Variants in TRA2B observed in about 807,000 individuals in gnomAD.
The protein encoded by TRA2B is transformer 2 beta homolog.
A neutral mutation model predicts 41.7 loss-of-function variants in TRA2B; 14 were observed. The observed-to-expected ratio is 0.34, with a 90% CI of 0.22 to 0.53. The LOEUF is 0.53. TRA2B is among the 20% of genes least tolerant of loss of function. TRA2B has a pLI of 0.95. For synonymous variants in TRA2B, 130 were observed against 128.8 expected (o/e 1.01, Z -0.06); for missense variants, 167 against 396.8 (o/e 0.42, Z 4.92).
intron 7 of TRA2B, among the ~76,000 whole-genome samples, chr3:185,918,705 G>A (rs1317758906): frequency 6.6e-6 from 1 of 152,120 alleles, no homozygotes; most frequent in East Asian, 1.9e-4. Context: ...TGTTAAGAGA[G>A]TTTTGTAAAA....
At chr3:185,926,575 G>C in intron 2 of TRA2B, 26 bp downstream of exon 2, 1 of 1,612,800 alleles carries the variant, frequency 6.2e-7, no homozygotes, top group Non-Finnish European at 8.5e-7. Context: ...AGAGTAACGA[G>C]GAAATCTCAA....
chr3:185,931,745 T>A, intron 1 of TRA2B: 1 of 1,470,798 alleles, frequency 6.8e-7, no homozygotes, highest in Non-Finnish European at 8.9e-7. Context: ...GCATGCATTC[T>A]TTCTTTTATT....
chr3:185,924,108 C>T, intron 3 of TRA2B, 124 bp from the exon 4 acceptor site: 2 of 757,088 alleles, frequency 2.6e-6, no homozygotes, highest in Non-Finnish European at 3.9e-6. Context: ...TTAGACCAAA[C>T]ACTGCTTAGA....
intron 1 of TRA2B, chr3:185,934,611 CCTT>C (rs1378207402): frequency 2.3e-5 from 23 of 985,238 alleles, no homozygotes; most frequent in Non-Finnish European, 2.8e-5. Context: ...ACAATTCAAT[CCTT>C]TTTTAAAGGA....
chr3:185,929,058 A>G (rs887696375), intron 1 of TRA2B: 3 of 152,228 alleles, frequency 2.0e-5, no homozygotes, highest in Non-Finnish European at 4.4e-5. Flanking sequence ...CTATGCAGAT[A>G]TATTTTGTAA....
chr3:185,919,576 A>G (rs921532318), intron 6 of TRA2B, 80 bp from the exon 7 acceptor site: 12 of 1,217,638 alleles, frequency 9.9e-6, no homozygotes, highest in Non-Finnish European at 1.4e-5. Flanking sequence ...AGTAAAATAA[A>G]AACTTTCATA....
rs1037296116 is a variant in TRA2B, at chr3:185,937,765, C to G, written c.36+60G>C. The G allele has an allele frequency of 3.7e-6, 6 of 1,612,028 alleles. No homozygotes were observed. In the African/African-American group the frequency reaches 8.0e-5, roughly 22 times the overall value. On this transcript the variant is annotated intron_variant, in intron 1 of 8. Transcript: ENST00000453386. ...GCCTCCTGGCCCGAGGCCGACGGGCCTAGAAAAAGATGCAAGGAGCTAGGA... is the reference window on the plus strand; with the variant it reads ...GCCTCCTGGCCCGAGGCCGACGGGCGTAGAAAAAGATGCAAGGAGCTAGGA...
Position 185,917,053 on chromosome 3 carries a change from CTG to C in TRA2B, c.*660_*661del, listed in dbSNP as rs1249186711. 2 of 152,494 alleles carry C rather than the reference CTG, an allele frequency of 1.3e-5. No homozygotes were observed. Among genetic ancestry groups the C allele is most frequent in the African/African-American group, 2.4e-5 (1 of 41,572 alleles). 9.4% of individuals were successfully genotyped at this position (152,494 alleles called of 1,614,324 possible). On this transcript the variant is annotated 3_prime_UTR_variant, in exon 9 of 9. Transcript: ENST00000453386. ...AAGAAACAGCCTTTTAAGGCATACACTGTGTAACTCTTCGTATTTCCTGCTAT... is the reference window on the plus strand; with the variant it reads ...AAGAAACAGCCTTTTAAGGCATACACTGTAACTCTTCGTATTTCCTGCTAT...
chr3:185,925,355 A>G (rs1743906634), intron 3 of TRA2B, 109 bp downstream of exon 3: 6 of 1,299,084 alleles, frequency 4.6e-6, no homozygotes, highest in South Asian at 3.1e-5. Flanking sequence ...GCCTCTGAAG[A>G]TTTCACTCAC....
Position 185,921,278 on chromosome 3 carries a change from T to G in TRA2B, c.639-91A>C, listed in dbSNP as rs1743724967. 6 of 1,083,154 alleles carry G rather than the reference T, an allele frequency of 5.5e-6. No homozygotes were observed. The Admixed American group carries it at 1.1e-4, about 19-fold the overall frequency. 67.1% of individuals were successfully genotyped at this position (1,083,154 alleles called of 1,614,324 possible). On this transcript the variant is annotated intron_variant, in intron 5 of 8. Transcript: ENST00000453386. ...AGTAGGCCTTTTCTGACACATTAAC[T>G]GGAAAATGAAAATTATTCCTGTTAA...
chr3:185,934,724 A>T (rs1744282218), intron 1 of TRA2B: 2 of 985,062 alleles, frequency 2.0e-6, no homozygotes, highest in South Asian at 9.4e-5. Context: ...AAACCAAGGA[A>T]TATAAAAAGA....
intron 1 of TRA2B, chr3:185,937,055 A>T: frequency 1.0e-6 from 1 of 985,460 alleles, no homozygotes; most frequent in Non-Finnish European, 1.2e-6. Context: ...TGGAAATGCG[A>T]TGTCCACAAA....
chr3:185,925,503 A>ATGGCTG lies in TRA2B; in HGVS notation c.288_293dup (p.His98_Ser99dup), dbSNP rs750633131. 1.2e-6 allele frequency: 2 copies of ATGGCTG among 1,614,042 alleles called. No homozygotes were observed. Among genetic ancestry groups the ATGGCTG allele is most frequent in the African/African-American group, 1.3e-5 (1 of 74,910 alleles). ...GACGCCTGCGAGTAGACATGGGAGA[A>ATGGCTG]TGGCTGTGGCTGTGCCGTCTACGAT... On this transcript the variant is annotated inframe_insertion, in exon 3 of 9. Transcript: ENST00000453386.
chr3:185,927,417 A>G (rs1047687782), intron 1 of TRA2B: 2 of 152,086 alleles, frequency 1.3e-5, no homozygotes, highest in Admixed American at 1.3e-4. Flanking sequence ...CACAAATAAG[A>G]GTAGAGAGGG....
intron 1 of TRA2B, among the ~76,000 whole-genome samples, chr3:185,932,565 G>C (rs1744190581): frequency 6.6e-6 from 1 of 152,180 alleles, no homozygotes; most frequent in South Asian, 2.1e-4. Flanking sequence ...TATTTTCAAA[G>C]AGTTTTGTTG....
intron 1 of TRA2B, chr3:185,935,222 A>G (rs1744301850): frequency 1.0e-6 from 1 of 985,430 alleles, no homozygotes; most frequent in African/African-American, 1.7e-5. Context: ...TTTTGGGGGA[A>G]GAGTCTTGAA....
chr3:185,937,251 C>T (rs566831680), intron 1 of TRA2B: 7 of 986,158 alleles, frequency 7.1e-6, no homozygotes, highest in Non-Finnish European at 8.4e-6. Context: ...TAAGAGGCCC[C>T]AAAGACATCC....
At chr3:185,935,340 TGA>T (rs58073352) in intron 1 of TRA2B, 75,830 of 985,194 alleles carry the variant, frequency 0.077, 3,842 homozygotes, top group South Asian at 0.29. Context: ...CTATTACCTT[TGA>T]GAGGGGGGAA....
intron 1 of TRA2B, chr3:185,934,798 G>T: frequency 1.0e-6 from 1 of 985,436 alleles, no homozygotes; most frequent in Non-Finnish European, 1.2e-6. Context: ...TGATGGGTTG[G>T]TGTCCAGATG....
Sources: gnomAD v4.1 joint callset for allele counts (sites outside exome capture counted in the v4.1 genomes callset) on GRCh38, gnomAD v4.1.1 for gene constraint, MANE v1.5 for transcripts, NCBI Gene and HGNC (gene_info 2026-07-23, HGNC 2026-07-21) for gene names.